The following DENND4C variants were observed in gnomAD, a reference collection of about 807,000 sequenced individuals.
DENND4C encodes the protein DENN domain-containing protein 4C.
A neutral mutation model predicts 203.0 loss-of-function variants in DENND4C; 108 were observed. That is an observed-to-expected ratio of 0.53 (90% CI 0.46 to 0.62). DENND4C has a LOEUF of 0.62. Ranked by LOEUF, DENND4C falls within the 20% of genes least tolerant of loss-of-function variation. The probability of loss-of-function intolerance (pLI) is 0.00; values close to 1 mark genes in which losing one functional copy is unlikely to be tolerated. For synonymous variants in DENND4C, 871 were observed against 792.4 expected, an observed-to-expected ratio of 1.10 and a Z score of -1.67; for missense variants, 2,481 against 2,301.2, an observed-to-expected ratio of 1.08 and a Z score of -1.60.
chr9:19,296,167 T>C lies in DENND4C; in HGVS notation c.961T>C (p.Phe321Leu), dbSNP rs935702552. Reference sequence around the variant, plus strand: ...CATTTGTTTACTCTCACACTGGCCTTTTTTTGAAGCTTTTAGGAAATTTCT... The same window carrying C: ...CATTTGTTTACTCTCACACTGGCCTCTTTTTGAAGCTTTTAGGAAATTTCT... Reference protein sequence around the residue: ...KCICLLSHWPFFEAFRKFLMF... With the variant: ...KCICLLSHWPLFEAFRKFLMF... Residue 321 changes from phenylalanine to leucine, a missense_variant, in exon 6 of 33, where the codon TTT (phenylalanine) becomes CTT (leucine). Physicochemically the swap from Phe to Leu is conservative, Grantham distance 22. Transcript: ENST00000434457. 1.9e-6 allele frequency: 3 copies of C among 1,614,022 alleles called. No individual in the cohort carries two copies. In the South Asian group the frequency reaches 3.3e-5, roughly 18 times the overall value.
At chr9:19,360,194 C>T (rs1468060755) in intron 28 of DENND4C, 50 bp from the exon 29 acceptor site, 2 of 1,563,844 alleles carry the variant, frequency 1.3e-6, no homozygotes, top group Admixed American at 1.8e-5. Context: ...TGCTCTTGAG[C>T]ATACAGATTT....
At chr9:19,331,461 A>G (rs1189118901) in intron 16 of DENND4C, among the ~76,000 whole-genome samples, 5 of 152,134 alleles carry the variant, frequency 3.3e-5, no homozygotes, top group Non-Finnish European at 5.9e-5. Flanking sequence ...TTGGCCTCCC[A>G]AAGTGCTAGG....
chr9:19,252,721 AC>A (rs1257873024), intron 1 of DENND4C, among the ~76,000 whole-genome samples: 30 of 133,192 alleles, frequency 2.3e-4, no homozygotes, highest in African/African-American at 9.4e-4. Context: ...ATACACACAC[AC>A]ACACACACAC....
intron 30 of DENND4C, among the ~76,000 whole-genome samples, chr9:19,367,788 C>T (rs530468526): frequency 6.6e-6 from 1 of 152,086 alleles, no homozygotes; most frequent in Non-Finnish European, 1.5e-5. Flanking sequence ...TATGGTATAT[C>T]CATACAATGG....
At chr9:19,234,562 T>C (rs894183627) in intron 1 of DENND4C, among the ~76,000 whole-genome samples, 7 of 138,690 alleles carry the variant, frequency 5.0e-5, no homozygotes, top group Non-Finnish European at 3.1e-5. Context: ...TAACACGGTC[T>C]CACTTTGTCA....
intron 9 of DENND4C, among the ~76,000 whole-genome samples, chr9:19,301,770 C>T (rs995069990): frequency 1.3e-5 from 2 of 152,094 alleles, no homozygotes; most frequent in Non-Finnish European, 2.9e-5. Flanking sequence ...AACTCCATTT[C>T]TACTAAAAAT....
At chr9:19,333,159 T>TA (rs1819667495) in intron 17 of DENND4C, among the ~76,000 whole-genome samples, 1 of 151,846 alleles carries the variant, frequency 6.6e-6, no homozygotes, top group Non-Finnish European at 1.5e-5. Context: ...GGACTACAGG[T>TA]GCACACCACC....
intron 1 of DENND4C, among the ~76,000 whole-genome samples, chr9:19,241,661 A>G (rs1823760538): frequency 1.3e-5 from 2 of 151,810 alleles, no homozygotes; most frequent in Admixed American, 6.6e-5. Context: ...CAGGGGCAAT[A>G]CTCACGTGGA....
intron 18 of DENND4C, among the ~76,000 whole-genome samples, chr9:19,335,606 T>C (rs1297564107): frequency 6.6e-6 from 1 of 152,142 alleles, no homozygotes; most frequent in Non-Finnish European, 1.5e-5. Context: ...GATCTTGCGG[T>C]ATTTGTCTTT....
At chr9:19,319,196 T>C (rs1286150187) in intron 12 of DENND4C, among the ~76,000 whole-genome samples, 1 of 146,998 alleles carries the variant, frequency 6.8e-6, no homozygotes, top group African/African-American at 2.5e-5. Flanking sequence ...TATATACACG[T>C]ATATACACAT....
intron 1 of DENND4C, among the ~76,000 whole-genome samples, chr9:19,242,660 T>C (rs1425868647): frequency 6.6e-6 from 1 of 152,108 alleles, no homozygotes. Context: ...CTTTCTTTTT[T>C]TTTTTTTGTT....
intron 25 of DENND4C, 128 bp downstream of exon 25, chr9:19,352,310 G>C: frequency 9.5e-7 from 1 of 1,055,778 alleles, no homozygotes; most frequent in Non-Finnish European, 1.4e-6. Context: ...TGTTGAATTT[G>C]CTTGATGTCT....
intron 30 of DENND4C, among the ~76,000 whole-genome samples, chr9:19,364,606 C>T (rs529386615): frequency 6.6e-6 from 1 of 152,238 alleles, no homozygotes; most frequent in Admixed American, 6.5e-5. Context: ...GAAATTTTGC[C>T]CAGGGGCTGG....
In DENND4C at chr9:19,319,339, C is replaced by T. The variant is rs200471736; in HGVS notation, c.1807+2500C>T. 2.6e-3 allele frequency among the ~76,000 whole-genome samples: 133 copies of T among 50,436 alleles called. 3 individuals are homozygous for T. Among genetic ancestry groups the T allele is most frequent in the Non-Finnish European group, 5.6e-3 (111 of 19,950 alleles). The allele number at this position is 50,436 out of a possible 152,430, so 33.1% of individuals were successfully genotyped here. A position where few individuals can be genotyped will look rare whatever the true frequency, so the allele number is the denominator to read the frequency against. On this transcript the variant is annotated intron_variant, in intron 12 of 32. Transcript: ENST00000434457. ...ACACATATATATACATATATATACA[C>T]ATATATATATACTTATATATACACA...
chr9:19,261,882 C>G (rs1564096765), intron 1 of DENND4C, among the ~76,000 whole-genome samples: 1 of 151,484 alleles, frequency 6.6e-6, no homozygotes, highest in South Asian at 2.1e-4. Flanking sequence ...CAATTTTTTA[C>G]TTCTTTGATT....
intron 26 of DENND4C, among the ~76,000 whole-genome samples, chr9:19,356,012 G>T (rs186159342): frequency 7.2e-5 from 11 of 151,978 alleles, no homozygotes; most frequent in Admixed American, 3.3e-4. Flanking sequence ...TTCAAATTGG[G>T]TATAAAGGAG....
At chr9:19,269,751 A>G (rs969870313) in intron 1 of DENND4C, among the ~76,000 whole-genome samples, 1 of 152,152 alleles carries the variant, frequency 6.6e-6, no homozygotes, top group African/African-American at 2.4e-5. Flanking sequence ...AGGATTGGTC[A>G]CTGGTGCCTC....
chr9:19,356,608 T>A (rs1193067554), intron 26 of DENND4C, among the ~76,000 whole-genome samples: 1 of 152,048 alleles, frequency 6.6e-6, no homozygotes, highest in African/African-American at 2.4e-5. Context: ...TGCAGCTCTT[T>A]ATTTTTTTTT....
chr9:19,355,063 C>T (rs541122539), intron 26 of DENND4C, among the ~76,000 whole-genome samples: 1 of 151,980 alleles, frequency 6.6e-6, no homozygotes, highest in African/African-American at 2.4e-5. Flanking sequence ...GCACCCACCA[C>T]CACGCCCGGC....
Sources: allele counts gnomAD v4.1 joint callset (sites outside exome capture counted in the v4.1 genomes callset), GRCh38; gene constraint gnomAD v4.1.1; transcripts MANE v1.5; gene names NCBI Gene and HGNC (gene_info 2026-07-23, HGNC 2026-07-21).